Variants in ZNF331 observed in about 807,000 individuals in gnomAD.
ZNF331 encodes the protein zinc finger protein 331.
ZNF331 carries 2 observed loss-of-function variants against 7.0 expected under a neutral mutation model. That is an observed-to-expected ratio of 0.29 (90% confidence interval 0.12 to 0.90). ZNF331 has a LOEUF of 0.90. Among genes scored for constraint, ZNF331 ranks in the 40% least tolerant of loss-of-function variants. The probability of loss-of-function intolerance (pLI) is 0.58; values close to 1 mark genes in which losing one functional copy is unlikely to be tolerated. For synonymous variants in ZNF331, 196 were observed against 205.4 expected, an observed-to-expected ratio of 0.95 and a Z score of 0.39; for missense variants, 432 against 587.7, an observed-to-expected ratio of 0.74 and a Z score of 2.74.
At chr19:53,548,780 G>C (rs1390546041) in intron 2 of ZNF331, among the ~76,000 whole-genome samples, 1 of 151,876 alleles carries the variant, frequency 6.6e-6, no homozygotes, top group African/African-American at 2.4e-5. Context: ...TCTCCCAGTA[G>C]TTTTACAGTT....
intron 2 of ZNF331, among the ~76,000 whole-genome samples, chr19:53,552,510 G>A (rs2089072932): frequency 6.6e-6 from 1 of 151,744 alleles, no homozygotes; most frequent in Non-Finnish European, 1.5e-5. Context: ...TTGAGCTCAG[G>A]AGATCAAGGC....
At chr19:53,554,197 G>T (rs1176283248) in intron 2 of ZNF331, among the ~76,000 whole-genome samples, 2 of 152,172 alleles carry the variant, frequency 1.3e-5, no homozygotes, top group African/African-American at 2.4e-5. Context: ...CGCCGAGTGC[G>T]CCTGTGGCTT....
At chr19:53,553,437 G>A (rs1284463985) in intron 2 of ZNF331, among the ~76,000 whole-genome samples, 1 of 152,134 alleles carries the variant, frequency 6.6e-6, no homozygotes. Context: ...GGCTTTCTCA[G>A]TATTATGTGT....
chr19:53,574,138 A>G (rs7258617), intron 5 of ZNF331, among the ~76,000 whole-genome samples: 1,912 of 150,424 alleles, frequency 0.013, 41 homozygotes, highest in African/African-American at 0.044. Context: ...TAATTTTTAA[A>G]GAATTTTTGA....
the ZNF331 span, among the ~76,000 whole-genome samples, chr19:53,514,095 G>GA: frequency 2.0e-5 from 3 of 152,154 alleles, no homozygotes; most frequent in South Asian, 6.2e-4. Flanking sequence ...TTGAACACCT[G>GA]AAAAAATTCC....
At position 53,577,976 on chromosome 19, in the gene ZNF331, C is replaced by T. The variant is rs748416537; in HGVS notation, c.*24C>T. ...GAAGAGCCTTTTGAACGCAGTAGCC[C>T]GCTCGTATCTATGGTTTCGCTTTCC... On this transcript the variant is annotated 3_prime_UTR_variant, in exon 6 of 6. Coordinates refer to ENST00000449416, the MANE Select transcript of ZNF331 (RefSeq NM_001079906.2). 22 of 1,584,192 alleles carry T rather than the reference C, an allele frequency of 1.4e-5. No individual in the cohort carries two copies. Among genetic ancestry groups the T allele is most frequent in the East Asian group, 9.0e-5 (4 of 44,378 alleles).
At chr19:53,572,085 G>A (rs993829678) in intron 5 of ZNF331, among the ~76,000 whole-genome samples, 2 of 152,108 alleles carry the variant, frequency 1.3e-5, no homozygotes, top group Admixed American at 6.6e-5. Context: ...AGGGACCCAC[G>A]TCTAGGGAAA....
chr19:53,512,031 G>A, the ZNF331 span: 1 of 152,382 alleles, frequency 6.6e-6, no homozygotes, highest in Admixed American at 6.5e-5. Flanking sequence ...ATCTGAGAAG[G>A]GGCAGGTCTT....
upstream of ZNF331, among the ~76,000 whole-genome samples, chr19:53,515,560 C>G (rs528870613): frequency 4.4e-4 from 67 of 152,192 alleles, no homozygotes; most frequent in Admixed American, 2.7e-3. Flanking sequence ...TGCAATGGCG[C>G]GATCTCGGCT....
intron 2 of ZNF331, chr19:53,523,131 G>T (rs2087150881): frequency 6.6e-6 from 1 of 151,834 alleles, no homozygotes; most frequent in South Asian, 2.1e-4. Context: ...ATTAAATCAG[G>T]CTGATGAACA....
At chr19:53,569,432 C>A in intron 4 of ZNF331, 47 bp downstream of exon 4, 1 of 1,605,852 alleles carries the variant, frequency 6.2e-7, no homozygotes, top group Non-Finnish European at 8.5e-7. Context: ...TATTTGCGTT[C>A]TGTGCATCTG....
chr19:53,509,861 G>A, the ZNF331 span, among the ~76,000 whole-genome samples: 1 of 152,200 alleles, frequency 6.6e-6, no homozygotes, highest in African/African-American at 2.4e-5. Context: ...GGATGGGGAG[G>A]CCTCAGGAAA....
At position 53,577,251 on chromosome 19, in the gene ZNF331, A is replaced by G. The variant is rs372073341; in HGVS notation, c.691A>G (p.Thr231Ala). The G allele has an allele frequency of 6.2e-7, 1 of 1,613,874 alleles. No homozygotes were observed. The highest frequency in any genetic ancestry group is 1.3e-5 in the African/African-American group (1 of 74,854). ...GKAFRRGDEL[T>A]QHQRFHTGEK... Reference sequence around the variant, plus strand: ...GGCCTTTCGGCGTGGTGATGAGCTCACTCAGCACCAGAGATTCCACACTGG... The same window carrying G: ...GGCCTTTCGGCGTGGTGATGAGCTCGCTCAGCACCAGAGATTCCACACTGG... Residue 231 changes from threonine (T) to alanine (A), a missense_variant, in exon 6 of 6, where the codon ACT becomes GCT. Thr to Ala is a moderately conservative substitution (Grantham distance 58, BLOSUM62 0). This residue lies in a region of ZNF331 where 312 missense variants were observed against 448.6 expected (regional missense o/e 0.70). Coordinates refer to ENST00000449416, the MANE Select transcript of ZNF331 (RefSeq NM_001079906.2).
intron 2 of ZNF331, among the ~76,000 whole-genome samples, chr19:53,532,086 C>G (rs531075181): frequency 1.2e-4 from 18 of 151,972 alleles, no homozygotes; most frequent in Admixed American, 5.9e-4. Context: ...AATAACATAC[C>G]CTTCACCTTA....
intron 2 of ZNF331, among the ~76,000 whole-genome samples, chr19:53,525,231 T>C (rs2087247564): frequency 6.6e-6 from 1 of 152,194 alleles, no homozygotes; most frequent in African/African-American, 2.4e-5. Context: ...TTGCCTAGGA[T>C]TGTCTTAGCA....
chr19:53,529,416 A>AG (rs2087443890), intron 2 of ZNF331, among the ~76,000 whole-genome samples: 1 of 151,686 alleles, frequency 6.6e-6, no homozygotes, highest in African/African-American at 2.4e-5. Context: ...AAAAAAAAAA[A>AG]ATTATTCTCT....
chr19:53,534,124 A>AG (rs1411964889), upstream of ZNF331, among the ~76,000 whole-genome samples: 3 of 152,190 alleles, frequency 2.0e-5, no homozygotes, highest in Non-Finnish European at 2.9e-5. Context: ...ATTCAAGATC[A>AG]GGGGGTGACA....
intron 3 of ZNF331, among the ~76,000 whole-genome samples, chr19:53,557,160 G>A (rs2089488853): frequency 6.6e-6 from 1 of 151,754 alleles, no homozygotes; most frequent in African/African-American, 2.4e-5. Flanking sequence ...GTCTTGCCAT[G>A]TTGCCCAGGC....
chr19:53,561,097 G>A (rs552352115), intron 3 of ZNF331, among the ~76,000 whole-genome samples: 6 of 152,204 alleles, frequency 3.9e-5, no homozygotes, highest in Non-Finnish European at 7.4e-5. Flanking sequence ...GATCGAAGCT[G>A]CAGTAAGCTG....
Sources: allele counts gnomAD v4.1 joint callset (sites outside exome capture counted in the v4.1 genomes callset), GRCh38; gene constraint gnomAD v4.1.1; regional missense constraint gnomAD v4.1.1; transcripts MANE v1.5; gene names NCBI Gene and HGNC (gene_info 2026-07-23, HGNC 2026-07-21).